RYR2: variants seen among roughly 807,000 people sequenced by gnomAD.
RYR2 encodes the protein ryanodine receptor 2.
A neutral mutation model predicts 601.1 loss-of-function variants in RYR2; 227 were observed. That is an observed-to-expected ratio of 0.38 (90% CI 0.34 to 0.42). RYR2 has a LOEUF of 0.42. Ranked by LOEUF, RYR2 falls within the 10% of genes least tolerant of loss-of-function variation. RYR2 has a pLI of 1.00. For synonymous variants in RYR2, 2,223 were observed against 2,175.1 expected, an observed-to-expected ratio of 1.02 and a Z score of -0.61; for missense variants, 4,646 against 6,156.5, an observed-to-expected ratio of 0.75 and a Z score of 8.21.
intron 24 of RYR2, among the ~76,000 whole-genome samples, chr1:237,517,059 C>T (rs1321785717): frequency 6.6e-6 from 1 of 152,204 alleles, no homozygotes; most frequent in Non-Finnish European, 1.5e-5. Context: ...GTGCATGGCC[C>T]AGACAATCTG....
intron 12 of RYR2, 93 bp from the exon 13 acceptor site, chr1:237,441,226 C>A: frequency 7.3e-7 from 1 of 1,378,412 alleles, no homozygotes; most frequent in Non-Finnish European, 1.0e-6. Flanking sequence ...CTGAATTTTT[C>A]AAGGAACATA....
At chr1:237,240,981 A>G (rs1413753723) in intron 1 of RYR2, among the ~76,000 whole-genome samples, 1 of 152,240 alleles carries the variant, frequency 6.6e-6, no homozygotes, top group Non-Finnish European at 1.5e-5. Flanking sequence ...TTTAGATCAA[A>G]TGGAAATAAG....
chr1:237,366,674 TCACACACA>T (rs56679247), intron 5 of RYR2, among the ~76,000 whole-genome samples: 149 of 144,914 alleles, frequency 1.0e-3, no homozygotes, highest in East Asian at 3.0e-3. Context: ...ACCTCTTTAG[TCACACACA>T]CACACACACA....
chr1:237,593,648 T>A lies in RYR2; in HGVS notation c.4436+12T>A, dbSNP rs1444648901. On this transcript the variant is annotated intron_variant, in intron 33 of 104. Coordinates refer to ENST00000366574, the MANE Select transcript of RYR2 (RefSeq NM_001035.3). ...AAAGTGCATGAAAGGTTAGTTTTCC[T>A]CAATTTTTTGCAAGAATGACATGTG... The A allele has an allele frequency of 1.9e-6, 3 of 1,613,208 alleles. No homozygotes were observed. In the African/African-American group the frequency reaches 4.0e-5, roughly 22 times the overall value.
chr1:237,193,192 G>T (rs949671163), intron 1 of RYR2, among the ~76,000 whole-genome samples: 14 of 68,546 alleles, frequency 2.0e-4, no homozygotes, highest in African/African-American at 6.8e-4. Context: ...AAGGCCGGGT[G>T]CGGTGGCTCA....
intron 34 of RYR2, among the ~76,000 whole-genome samples, chr1:237,599,808 C>CAAAAAAA (rs56123861): frequency 9.3e-6 from 1 of 107,956 alleles, no homozygotes; most frequent in Non-Finnish European, 1.8e-5. Flanking sequence ...GACTCCATCT[C>CAAAAAAA]AAAAAAAAAA....
At chr1:237,781,836 G>A (rs535273806) in intron 89 of RYR2, among the ~76,000 whole-genome samples, 190 bp downstream of exon 89, 2 of 152,080 alleles carry the variant, frequency 1.3e-5, no homozygotes, top group Admixed American at 1.3e-4. Flanking sequence ...GCATATCTCA[G>A]TTTACATATC....
At chr1:237,537,848 A>G (rs192592692) in intron 25 of RYR2, among the ~76,000 whole-genome samples, 312 of 152,320 alleles carry the variant, frequency 2.0e-3, no homozygotes, top group African/African-American at 7.1e-3. Context: ...AACACTATAA[A>G]AATCATGTCT....
In RYR2 at chr1:237,707,240, A is replaced by T. The variant is rs1209752961; in HGVS notation, c.9872A>T (p.Asp3291Val). ...LKIIYNNLGI[D>V]EGAWMKRLAV... ...ATCATATATAATAACTTGGGGATTG[A>T]TGAGGGAGCCTGGATGAAGAGGCTA... The change falls in exon 68 of 105, where the codon GAT becomes GTT. Residue 3291 changes from aspartate (D) to valine (V), a missense_variant. Around this residue, in one of 17 missense-constraint regions of RYR2, gnomAD observed 1,497 missense variants for 1,842.6 expected, o/e 0.81. Coordinates refer to ENST00000366574, the MANE Select transcript of RYR2 (RefSeq NM_001035.3). 1.9e-6 allele frequency: 3 copies of T among 1,560,494 alleles called. No individual in the cohort carries two copies. The highest frequency in any genetic ancestry group is 2.7e-5 in the African/African-American group (2 of 74,022).
At chr1:237,276,739 GAAT>G (rs1690327247) in intron 2 of RYR2, among the ~76,000 whole-genome samples, 1 of 152,058 alleles carries the variant, frequency 6.6e-6, no homozygotes, top group African/African-American at 2.4e-5. Flanking sequence ...TTCATGAAAT[GAAT>G]AATTTCAAGA....
chr1:237,365,941 G>A (rs1462835792), intron 5 of RYR2, among the ~76,000 whole-genome samples: 1 of 152,210 alleles, frequency 6.6e-6, no homozygotes, highest in Non-Finnish European at 1.5e-5. Flanking sequence ...TAACTTCGAG[G>A]CCAGAAGGCC....
At chr1:237,661,724 C>CA (rs1353544298) in intron 56 of RYR2, among the ~76,000 whole-genome samples, 2 of 152,124 alleles carry the variant, frequency 1.3e-5, no homozygotes, top group African/African-American at 2.4e-5. Flanking sequence ...GGAAGGTATA[C>CA]AGCCACACAG....
chr1:237,448,486 C>T (rs769891199), intron 14 of RYR2, among the ~76,000 whole-genome samples: 9 of 152,100 alleles, frequency 5.9e-5, no homozygotes, highest in Admixed American at 3.9e-4. Context: ...CTTGTTGGGT[C>T]GTGTTCAAAA....
intron 93 of RYR2, 184 bp from the exon 94 acceptor site, chr1:237,791,921 T>C: frequency 1.7e-6 from 1 of 598,968 alleles, no homozygotes; most frequent in Non-Finnish European, 2.9e-6. Context: ...ATTTTAAAAG[T>C]ATGTTCATTA....
rs1259517167 is a variant in RYR2, at chr1:237,617,321, G to T, written c.5751G>T (p.Gln1917His). ...TGCTTCAGTACCTCTGTGACTGCCA[G>T]GTCCGGCACCGGATAGAAGCCATTG... ...CLLLQYLCDC[Q>H]VRHRIEAIVA... The change falls in exon 38 of 105, where the codon CAG (glutamine) becomes CAT (histidine). Residue 1917 changes from glutamine to histidine, a missense_variant. Transcript: ENST00000366574. 6.2e-7 allele frequency: 1 copy of T among 1,613,498 alleles called. No individual in the cohort carries two copies. Among genetic ancestry groups the T allele is most frequent in the African/African-American group, 1.3e-5 (1 of 74,924 alleles).
intron 96 of RYR2, among the ~76,000 whole-genome samples, chr1:237,796,136 C>G (rs115352473): frequency 7.9e-5 from 12 of 151,752 alleles, no homozygotes; most frequent in Admixed American, 3.3e-4. Flanking sequence ...AGTCGCACTG[C>G]GCTAGTGCAT....
At position 237,759,812 on chromosome 1, in the gene RYR2, G is replaced by A. The variant is rs775471018; in HGVS notation, c.11362G>A (p.Gly3788Ser). 6 of 1,613,052 alleles carry A rather than the reference G, an allele frequency of 3.7e-6. No homozygotes were observed. The highest frequency in any genetic ancestry group is 5.1e-6 in the Non-Finnish European group (6 of 1,179,344). The change falls in exon 83 of 105, where the codon GGC becomes AGC. Residue 3788 changes from glycine (G) to serine (S), a missense_variant. This residue lies in a region of RYR2 where 1,497 missense variants were observed against 1,842.6 expected (regional missense o/e 0.81). Transcript: ENST00000366574. ...LDYLKEKKDV[G>S]FFQSLAGLMQ... ...CTACCTCAAGGAGAAAAAGGATGTG[G>A]GCTTCTTTCAGAGCCTGGCCGGCCT...
At chr1:237,803,343 A>T (rs7533051) in intron 98 of RYR2, among the ~76,000 whole-genome samples, 3 of 150,818 alleles carry the variant, frequency 2.0e-5, no homozygotes, top group South Asian at 2.1e-4. Context: ...TTGCACTGTC[A>T]CCCAGGCTGG....
intron 82 of RYR2, among the ~76,000 whole-genome samples, chr1:237,759,268 A>C (rs1693214003): frequency 6.6e-6 from 1 of 151,976 alleles, no homozygotes; most frequent in Non-Finnish European, 1.5e-5. Context: ...TGTATTTTTT[A>C]GTAGAGACGG....
Sources: allele counts gnomAD v4.1 joint callset (sites outside exome capture counted in the v4.1 genomes callset), GRCh38; gene constraint gnomAD v4.1.1; regional missense constraint gnomAD v4.1.1; transcripts MANE v1.5; gene names NCBI Gene and HGNC (gene_info 2026-07-23, HGNC 2026-07-21).